TNS3: variants seen among roughly 807,000 people sequenced by gnomAD.
TNS3 encodes tensin-3.
A neutral mutation model predicts 140.9 loss-of-function variants in TNS3; 45 were observed. That is an observed-to-expected ratio of 0.32 (90% CI 0.25 to 0.41). The LOEUF is 0.41. Among genes scored for constraint, TNS3 ranks in the 10% least tolerant of loss-of-function variants. The probability of loss-of-function intolerance (pLI) is 1.00; values close to 1 mark genes in which losing one functional copy is unlikely to be tolerated. For synonymous variants in TNS3, 815 were observed against 788.4 expected (o/e 1.03, Z -0.56); for missense variants, 1,716 against 1,906.7 (o/e 0.90, Z 1.86).
chr7:47,323,624 A>G (rs958261198), intron 20 of TNS3, among the ~76,000 whole-genome samples: 8 of 152,260 alleles, frequency 5.3e-5, no homozygotes, highest in African/African-American at 1.9e-4. Context: ...ACTAGCAGAC[A>G]TCATCACATG....
intron 4 of TNS3, among the ~76,000 whole-genome samples, chr7:47,478,852 A>T (rs1198366768): frequency 6.6e-6 from 1 of 151,998 alleles, no homozygotes; most frequent in African/African-American, 2.4e-5. Context: ...TTACATGCAT[A>T]ACATGCATGT....
At chr7:47,289,163 C>G (rs1238904822) in intron 27 of TNS3, among the ~76,000 whole-genome samples, 1 of 152,134 alleles carries the variant, frequency 6.6e-6, no homozygotes, top group Non-Finnish European at 1.5e-5. Flanking sequence ...AAGAATAATA[C>G]AAATTGTAGA....
chr7:47,288,457 A>G (rs1168874639), intron 27 of TNS3, among the ~76,000 whole-genome samples: 1 of 152,250 alleles, frequency 6.6e-6, no homozygotes, highest in Admixed American at 6.5e-5. Flanking sequence ...ATACATTTTT[A>G]AAAGGTGCAA....
At chr7:47,558,302 G>A (rs781543280) in intron 1 of TNS3, among the ~76,000 whole-genome samples, 1 of 152,306 alleles carries the variant, frequency 6.6e-6, no homozygotes, top group South Asian at 2.1e-4. Flanking sequence ...ATGCTTCCTC[G>A]GCCTGCATTG....
intron 1 of TNS3, among the ~76,000 whole-genome samples, chr7:47,573,094 G>T (rs1800595479): frequency 6.6e-6 from 1 of 152,216 alleles, no homozygotes; most frequent in African/African-American, 2.4e-5. Flanking sequence ...ATGCAGGCTG[G>T]ATCTCCAGAG....
chr7:47,338,856 C>A (rs1788782119), intron 20 of TNS3, among the ~76,000 whole-genome samples: 1 of 152,038 alleles, frequency 6.6e-6, no homozygotes, highest in African/African-American at 2.4e-5. Flanking sequence ...GGGTGTATAT[C>A]CGGTAATGGG....
intron 2 of TNS3, among the ~76,000 whole-genome samples, chr7:47,512,377 T>A (rs1345776455): frequency 6.6e-6 from 1 of 152,144 alleles, no homozygotes; most frequent in Non-Finnish European, 1.5e-5. Flanking sequence ...GGCACACATT[T>A]CCCCTTCTGT....
intron 28 of TNS3, among the ~76,000 whole-genome samples, chr7:47,281,814 G>A (rs1785159336): frequency 1.3e-5 from 2 of 152,284 alleles, no homozygotes; most frequent in South Asian, 4.1e-4. Flanking sequence ...AGGGAGGAGG[G>A]AACAGTCAAC....
intron 13 of TNS3, among the ~76,000 whole-genome samples, chr7:47,408,471 G>C (rs1328874161): frequency 6.6e-6 from 1 of 152,104 alleles, no homozygotes; most frequent in Admixed American, 6.5e-5. Flanking sequence ...GGGTGGGTGG[G>C]GTGCTGGGGG....
chr7:47,464,213 T>C lies in TNS3; in HGVS notation c.-76+16890A>G, dbSNP rs1029610977. Among the ~76,000 whole-genome samples, 12 of 152,322 alleles carry C rather than the reference T, an allele frequency of 7.9e-5. No individual in the cohort carries two copies. The East Asian group carries it at 1.3e-3, about 17-fold the overall frequency. Reference sequence around the variant, plus strand: ...TATGTTCCCTACCTGAGGACCTCTATTGATTTGGCAATGCCTTGCCTTGAG... The same window carrying C: ...TATGTTCCCTACCTGAGGACCTCTACTGATTTGGCAATGCCTTGCCTTGAG... On this transcript the variant is annotated intron_variant, in intron 4 of 30. Transcript: ENST00000311160.
intron 16 of TNS3, among the ~76,000 whole-genome samples, chr7:47,382,458 G>A (rs1467601129): frequency 1.3e-5 from 2 of 152,216 alleles, no homozygotes; most frequent in Non-Finnish European, 2.9e-5. Flanking sequence ...ATTATATGGA[G>A]CCTGTGCAGG....
chr7:47,518,373 A>G (rs765048314), intron 2 of TNS3, among the ~76,000 whole-genome samples: 6 of 151,798 alleles, frequency 4.0e-5, no homozygotes, highest in African/African-American at 9.7e-5. Context: ...TGCTGTTCTC[A>G]CTCTCCTCAC....
chr7:47,485,284 G>A (rs950031249), intron 3 of TNS3, among the ~76,000 whole-genome samples: 3 of 152,196 alleles, frequency 2.0e-5, no homozygotes, highest in Admixed American at 6.5e-5. Context: ...GTGTGGACTC[G>A]AATCAGCTGG....
At chr7:47,528,691 A>C (rs1369231485) in intron 2 of TNS3, among the ~76,000 whole-genome samples, 1 of 152,266 alleles carries the variant, frequency 6.6e-6, no homozygotes, top group African/African-American at 2.4e-5. Flanking sequence ...AGATAGAAAC[A>C]TTTCATTCGC....
intron 1 of TNS3, among the ~76,000 whole-genome samples, chr7:47,580,434 G>C (rs1784498714): frequency 6.6e-6 from 1 of 152,128 alleles, no homozygotes; most frequent in Non-Finnish European, 1.5e-5. Context: ...TTGTCTTCGG[G>C]GTCACCATTA....
At chr7:47,420,141 G>A (rs1389076498) in intron 10 of TNS3, among the ~76,000 whole-genome samples, 1 of 152,190 alleles carries the variant, frequency 6.6e-6, no homozygotes, top group African/African-American at 2.4e-5. Flanking sequence ...TATCTTTAAA[G>A]TATTCTTTCA....
chr7:47,500,395 G>A (rs547313718), intron 3 of TNS3, among the ~76,000 whole-genome samples: 1 of 152,364 alleles, frequency 6.6e-6, no homozygotes, highest in African/African-American at 2.4e-5. Flanking sequence ...GGCCGCGTGA[G>A]CTGGGGCAGG....
At chr7:47,402,546 A>G (rs1438194941) in intron 13 of TNS3, among the ~76,000 whole-genome samples, 3 of 152,204 alleles carry the variant, frequency 2.0e-5, no homozygotes, top group Non-Finnish European at 4.4e-5. Flanking sequence ...GGATGTTCTG[A>G]GAGTATCTGG....
intron 3 of TNS3, among the ~76,000 whole-genome samples, chr7:47,484,557 C>G (rs866858339): frequency 2.0e-5 from 3 of 152,184 alleles, no homozygotes; most frequent in African/African-American, 7.2e-5. Flanking sequence ...GGGGACTGTG[C>G]GACGGTGCTA....
Sources: allele counts gnomAD v4.1 joint callset (sites outside exome capture counted in the v4.1 genomes callset), GRCh38; gene constraint gnomAD v4.1.1; transcripts MANE v1.5; gene names NCBI Gene and HGNC (gene_info 2026-07-23, HGNC 2026-07-21).